Variants in DIP2C observed in about 807,000 individuals in gnomAD.
DIP2C encodes the protein disco-interacting protein 2 homolog C.
A neutral mutation model predicts 192.4 loss-of-function variants in DIP2C; 33 were observed. That is an observed-to-expected ratio of 0.17 (90% CI 0.13 to 0.23). The LOEUF (loss-of-function observed/expected upper bound fraction) is 0.23. Ranked by LOEUF, DIP2C falls within the 10% of genes least tolerant of loss-of-function variation. The pLI is 1.00. For synonymous variants in DIP2C, 979 were observed against 864.1 expected (o/e 1.13, Z -2.33); for missense variants, 1,537 against 2,110.1 (o/e 0.73, Z 5.32).
intron 2 of DIP2C, among the ~76,000 whole-genome samples, chr10:481,518 G>A (rs566724545): frequency 5.9e-5 from 9 of 152,346 alleles, no homozygotes; most frequent in African/African-American, 2.2e-4. Context: ...TGGGAGCCAA[G>A]TTCTGAAAAG....
At chr10:311,011 T>C (rs1956542362) in intron 31 of DIP2C, among the ~76,000 whole-genome samples, 1 of 151,946 alleles carries the variant, frequency 6.6e-6, no homozygotes, top group Admixed American at 6.6e-5. Flanking sequence ...TTTTCTTATA[T>C]TGCTTATATA....
At chr10:545,260 A>AG (rs1346383475) in intron 1 of DIP2C, among the ~76,000 whole-genome samples, 2 of 133,686 alleles carry the variant, frequency 1.5e-5, no homozygotes, top group Non-Finnish European at 3.1e-5. Context: ...TCCGCCTCCC[A>AG]GGTTCAAGCA....
intron 3 of DIP2C, among the ~76,000 whole-genome samples, chr10:441,802 T>C (rs908976822): frequency 2.0e-5 from 3 of 152,232 alleles, no homozygotes; most frequent in Non-Finnish European, 4.4e-5. Flanking sequence ...GCTTTGTGGC[T>C]ATGAATCCAT....
intron 1 of DIP2C, among the ~76,000 whole-genome samples, chr10:502,416 G>T (rs1845298922): frequency 6.6e-6 from 1 of 152,118 alleles, no homozygotes; most frequent in Non-Finnish European, 1.5e-5. Flanking sequence ...ATAATGATGG[G>T]AAGTAAGCTC....
Position 501,233 on chromosome 10 carries a change from T to C in DIP2C, c.86-14703A>G, listed in dbSNP as rs577821672. ...TTGATGGTTTCACTAGCTATTTAAATAATAATGTTGATAGTACACACTTTA... is the reference window on the plus strand; with the variant it reads ...TTGATGGTTTCACTAGCTATTTAAACAATAATGTTGATAGTACACACTTTA... On this transcript the variant is annotated intron_variant, in intron 1 of 36. Coordinates refer to ENST00000280886, the MANE Select transcript of DIP2C (RefSeq NM_014974.3). Among the ~76,000 whole-genome samples the C allele has an allele frequency of 2.6e-5, 4 of 152,146 alleles. No individual in the cohort carries two copies. In the South Asian group the frequency reaches 6.2e-4, roughly 24 times the overall value.
At chr10:620,785 A>AC (rs1360872227) in intron 1 of DIP2C, among the ~76,000 whole-genome samples, 2 of 152,134 alleles carry the variant, frequency 1.3e-5, no homozygotes, top group Non-Finnish European at 2.9e-5. Flanking sequence ...GTTATCCCCA[A>AC]CCCTGCTTTG....
chr10:593,239 C>T (rs1017300158), intron 1 of DIP2C, among the ~76,000 whole-genome samples: 4 of 152,202 alleles, frequency 2.6e-5, no homozygotes, highest in East Asian at 1.9e-4. Context: ...GTGGTCTCAT[C>T]GTCATCTGGG....
chr10:482,840 T>G (rs1427452250), intron 2 of DIP2C, among the ~76,000 whole-genome samples: 3 of 152,218 alleles, frequency 2.0e-5, no homozygotes, highest in African/African-American at 7.2e-5. Context: ...CAACTTTGAC[T>G]GGGCTTAGAG....
chr10:649,229 G>A (rs558917737), intron 1 of DIP2C, among the ~76,000 whole-genome samples: 5 of 148,808 alleles, frequency 3.4e-5, no homozygotes, highest in African/African-American at 9.8e-5. Context: ...CTGAGTCCAC[G>A]TCCACATTTG....
intron 1 of DIP2C, among the ~76,000 whole-genome samples, chr10:563,979 G>A (rs1221621065): frequency 6.6e-6 from 1 of 152,188 alleles, no homozygotes; most frequent in Non-Finnish European, 1.5e-5. Context: ...ATTAAAGTCT[G>A]TGAATAATCT....
intron 1 of DIP2C, among the ~76,000 whole-genome samples, chr10:579,252 C>T (rs1019392931): frequency 4.0e-5 from 6 of 151,142 alleles, no homozygotes; most frequent in Non-Finnish European, 8.9e-5. Context: ...GGTACACTAA[C>T]ATGTGTACAT....
chr10:569,969 C>G (rs1284147081), intron 1 of DIP2C, among the ~76,000 whole-genome samples: 2 of 152,210 alleles, frequency 1.3e-5, no homozygotes, highest in East Asian at 3.9e-4. Context: ...TCAGCCTTCC[C>G]CCATGTTTTA....
chr10:564,947 A>G (rs1362944135), intron 1 of DIP2C, among the ~76,000 whole-genome samples: 6 of 152,158 alleles, frequency 3.9e-5, no homozygotes, highest in Admixed American at 3.3e-4. Context: ...TCCAAGCAAA[A>G]CCACATTAGA....
At chr10:612,701 C>CG (rs1360063882) in intron 1 of DIP2C, among the ~76,000 whole-genome samples, 7 of 152,250 alleles carry the variant, frequency 4.6e-5, no homozygotes, top group Non-Finnish European at 1.0e-4. Flanking sequence ...TTTACTCCGC[C>CG]GACTGTGTCT....
intron 3 of DIP2C, among the ~76,000 whole-genome samples, chr10:458,775 G>A (rs770064820): frequency 1.4e-5 from 2 of 143,312 alleles, no homozygotes; most frequent in African/African-American, 2.6e-5. Flanking sequence ...CAGAGTGCTC[G>A]GCACCCCGTG....
chr10:298,314 T>C (rs549167144), intron 32 of DIP2C, among the ~76,000 whole-genome samples: 1 of 152,260 alleles, frequency 6.6e-6, no homozygotes, highest in East Asian at 1.9e-4. Context: ...TGTTCATGGG[T>C]AGACACGGAT....
intron 1 of DIP2C, among the ~76,000 whole-genome samples, chr10:505,621 T>G (rs1273298418): frequency 6.6e-6 from 1 of 151,210 alleles, no homozygotes. Flanking sequence ...CCCAGCTATA[T>G]TCCCTCTGTG....
intron 1 of DIP2C, among the ~76,000 whole-genome samples, chr10:550,902 T>C (rs1848551300): frequency 2.0e-5 from 3 of 152,168 alleles, no homozygotes; most frequent in Admixed American, 2.0e-4. Context: ...GCACACCCGA[T>C]GCGAACCGTG....
chr10:522,953 C>T (rs780575355), intron 1 of DIP2C, among the ~76,000 whole-genome samples: 5 of 151,254 alleles, frequency 3.3e-5, no homozygotes, highest in Non-Finnish European at 5.9e-5. Flanking sequence ...GTGACCAACA[C>T]GTTCATTTCT....
Sources: allele counts gnomAD v4.1 joint callset (sites outside exome capture counted in the v4.1 genomes callset), GRCh38; gene constraint gnomAD v4.1.1; transcripts MANE v1.5; gene names NCBI Gene and HGNC (gene_info 2026-07-23, HGNC 2026-07-21).